PM20D2: variants seen among roughly 807,000 people sequenced by gnomAD.
PM20D2 encodes the protein peptidase M20 domain containing 2.
In PM20D2, 33 loss-of-function variants were observed where a neutral mutation model predicts 42.9. The ratio of observed to expected loss-of-function variants is 0.77; its 90% CI spans 0.58 to 1.03. PM20D2 has a LOEUF of 1.03. PM20D2 is among the 50% of genes least tolerant of loss of function. PM20D2 has a pLI of 0.00. For synonymous variants in PM20D2, 250 were observed against 228.2 expected, an observed-to-expected ratio of 1.10 and a Z score of -0.86; for missense variants, 548 against 557.0, an observed-to-expected ratio of 0.98 and a Z score of 0.16.
At chr6:89,125,431 G>A in the PM20D2 span, among the ~76,000 whole-genome samples, 1 of 151,834 alleles carries the variant, frequency 6.6e-6, no homozygotes, top group East Asian at 1.9e-4. Context: ...AGTGAGCCGA[G>A]ACCGCGCCAC....
At chr6:89,152,856 T>C (rs898006587) in intron 2 of PM20D2, among the ~76,000 whole-genome samples, 187 bp from the exon 3 acceptor site, 1 of 152,200 alleles carries the variant, frequency 6.6e-6, no homozygotes, top group African/African-American at 2.4e-5. Flanking sequence ...TCAAGCACTA[T>C]GTTACCTAAT....
the PM20D2 span, among the ~76,000 whole-genome samples, chr6:89,111,998 T>A: frequency 1.3e-5 from 2 of 152,172 alleles, no homozygotes; most frequent in Admixed American, 1.3e-4. Context: ...AAAAGAAACA[T>A]AACACAAATT....
chr6:89,106,038 C>T, the PM20D2 span: 3 of 152,318 alleles, frequency 2.0e-5, no homozygotes, highest in South Asian at 4.1e-4. Context: ...CAAAACTGCA[C>T]ATATACAAGT....
chr6:89,146,706 C>A, intron 1 of PM20D2, 97 bp downstream of exon 1: 2 of 1,026,676 alleles, frequency 1.9e-6, no homozygotes, highest in Non-Finnish European at 2.6e-6. Flanking sequence ...CGCCTCGGTG[C>A]CCTCCCGCCC....
chr6:89,120,227 C>A, the PM20D2 span, among the ~76,000 whole-genome samples: 5 of 152,096 alleles, frequency 3.3e-5, no homozygotes, highest in Non-Finnish European at 7.4e-5. Context: ...GGGGACAGAG[C>A]CAAATGATAT....
rs749402385 is a variant in PM20D2, at chr6:89,146,168, C to T, written c.24C>T (p.Pro8=). 3.6e-5 allele frequency: 54 copies of T among 1,518,122 alleles called. No homozygotes were observed. The highest frequency in any genetic ancestry group is 2.3e-5 in the Non-Finnish European group (26 of 1,140,320). 94.0% of individuals were successfully genotyped at this position (1,518,122 alleles called of 1,614,324 possible). The change falls in exon 1 of 7, where the codon CCC becomes CCT. Residue 8 remains proline (P), a synonymous_variant. Coordinates refer to ENST00000275072, the MANE Select transcript of PM20D2 (RefSeq NM_001010853.3). MRPGGER[P]VEGGACNGRS... is the part of the protein sequence containing the mutation. ...GCATGAGGCCCGGAGGGGAGCGGCCCGTGGAAGGGGGCGCGTGCAATGGCC... is the reference window on the plus strand; with the variant it reads ...GCATGAGGCCCGGAGGGGAGCGGCCTGTGGAAGGGGGCGCGTGCAATGGCC...
the PM20D2 span, among the ~76,000 whole-genome samples, chr6:89,137,799 C>T: frequency 6.6e-6 from 1 of 152,046 alleles, no homozygotes; most frequent in Non-Finnish European, 1.5e-5. Flanking sequence ...TTCTCTCTTT[C>T]CTTCAGACAT....
At chr6:89,107,034 TAAAG>T in the PM20D2 span, 1 of 1,050,738 alleles carries the variant, frequency 9.5e-7, no homozygotes, top group Middle Eastern at 2.0e-4. Context: ...TCTTCTGAGA[TAAAG>T]AAATAAACAC....
the PM20D2 span, among the ~76,000 whole-genome samples, chr6:89,095,766 T>C: frequency 1.3e-5 from 2 of 152,172 alleles, no homozygotes; most frequent in Non-Finnish European, 2.9e-5. Context: ...CCGAAAAATA[T>C]CAGCTGCTAT....
chr6:89,119,854 C>G, the PM20D2 span, among the ~76,000 whole-genome samples: 1 of 152,136 alleles, frequency 6.6e-6, no homozygotes, highest in African/African-American at 2.4e-5. Flanking sequence ...TCTATGTTGC[C>G]TAGGCTGATT....
chr6:89,117,123 T>C, the PM20D2 span, among the ~76,000 whole-genome samples: 1 of 152,018 alleles, frequency 6.6e-6, no homozygotes, highest in East Asian at 1.9e-4. Context: ...AGACACTCTG[T>C]AGACAAAATT....
At chr6:89,100,850 G>C in the PM20D2 span, among the ~76,000 whole-genome samples, 1 of 152,304 alleles carries the variant, frequency 6.6e-6, no homozygotes, top group South Asian at 2.1e-4. Context: ...GCTCATGCCT[G>C]TAATCCCACT....
chr6:89,104,117 C>T, the PM20D2 span, among the ~76,000 whole-genome samples: 7 of 147,744 alleles, frequency 4.7e-5, no homozygotes, highest in Admixed American at 4.8e-4. Flanking sequence ...GATTATGGCA[C>T]CTGGACATTT....
the PM20D2 span, among the ~76,000 whole-genome samples, chr6:89,112,557 C>T: frequency 2.5e-4 from 37 of 150,008 alleles, no homozygotes; most frequent in Admixed American, 1.2e-3. Context: ...GGACTACAGG[C>T]ACGCATCACC....
chr6:89,118,893 C>T, the PM20D2 span, among the ~76,000 whole-genome samples: 4 of 152,178 alleles, frequency 2.6e-5, no homozygotes, highest in Admixed American at 2.6e-4. Context: ...TCTCCCTATT[C>T]CCCCAAAATG....
the PM20D2 span, among the ~76,000 whole-genome samples, chr6:89,114,813 T>C: frequency 2.0e-5 from 3 of 152,248 alleles, no homozygotes; most frequent in African/African-American, 7.2e-5. Flanking sequence ...TTTTTAGTTT[T>C]TGAGACAGAG....
the PM20D2 span, among the ~76,000 whole-genome samples, chr6:89,094,554 A>T: frequency 4.6e-5 from 7 of 152,092 alleles, no homozygotes; most frequent in African/African-American, 1.7e-4. Flanking sequence ...CCTATTTACT[A>T]GTTTATAAAC....
At chr6:89,105,171 T>G in the PM20D2 span, 4 of 1,612,494 alleles carry the variant, frequency 2.5e-6, no homozygotes, top group Non-Finnish European at 3.4e-6. Flanking sequence ...GAACTTCTAC[T>G]TCGAGTTCTT....
chr6:89,161,532 A>G (rs1198220788), intron 5 of PM20D2, among the ~76,000 whole-genome samples: 1 of 152,152 alleles, frequency 6.6e-6, no homozygotes, highest in African/African-American at 2.4e-5. Context: ...GTGCTGGCCA[A>G]GAGGGCCAGT....
Sources: gnomAD v4.1 joint callset for allele counts (sites outside exome capture counted in the v4.1 genomes callset) on GRCh38, gnomAD v4.1.1 for gene constraint, MANE v1.5 for transcripts, NCBI Gene and HGNC (gene_info 2026-07-23, HGNC 2026-07-21) for gene names.